Variants in CTDSPL observed in about 807,000 individuals in gnomAD.
CTDSPL encodes CTD small phosphatase-like protein.
Under a neutral mutation model 30.5 loss-of-function variants are expected in CTDSPL, and 8 were observed. The ratio of observed to expected loss-of-function variants is 0.26; its 90% CI spans 0.15 to 0.47. The LOEUF (loss-of-function observed/expected upper bound fraction) is 0.47, where lower values mean the gene tolerates loss of function less well. Among genes scored for constraint, CTDSPL ranks in the 20% least tolerant of loss-of-function variants. The pLI is 0.99. For synonymous variants in CTDSPL, 110 were observed against 137.9 expected, an observed-to-expected ratio of 0.80 and a Z score of 1.42; for missense variants, 248 against 366.1, an observed-to-expected ratio of 0.68 and a Z score of 2.63.
chr3:37,941,858 G>A (rs1304316686), intron 1 of CTDSPL, among the ~76,000 whole-genome samples: 3 of 150,316 alleles, frequency 2.0e-5, no homozygotes, highest in African/African-American at 4.8e-5. Flanking sequence ...TCCTTGCATG[G>A]TCCTCCTCAA....
intron 1 of CTDSPL, among the ~76,000 whole-genome samples, chr3:37,946,348 G>C (rs777959840): frequency 6.6e-6 from 1 of 152,200 alleles, no homozygotes; most frequent in Non-Finnish European, 1.5e-5. Context: ...CCTGGATCTC[G>C]TGAAGATGGG....
At position 37,983,422 on chromosome 3, in the gene CTDSPL, G is replaced by A. The variant is rs1196112335; in HGVS notation, c.*2555G>A. On this transcript the variant is annotated 3_prime_UTR_variant, in exon 8 of 8. Transcript: ENST00000273179. ...GTTTTTTAAGGTAAATACGGGTATT[G>A]TTTTTAATTATTACCATGTATTAAA... 3 of 152,536 alleles carry A rather than the reference G, an allele frequency of 2.0e-5. No individual in the cohort carries two copies. The highest frequency in any genetic ancestry group is 2.9e-5 in the Non-Finnish European group (2 of 68,006). The allele number at this position is 152,536 out of a possible 1,614,324, so 9.4% of individuals were successfully genotyped here. A position where few individuals can be genotyped will look rare whatever the true frequency, so the allele number is the denominator to read the frequency against.
intron 1 of CTDSPL, among the ~76,000 whole-genome samples, chr3:37,927,228 G>T (rs1374723552): frequency 6.6e-6 from 1 of 152,098 alleles, no homozygotes; most frequent in Non-Finnish European, 1.5e-5. Flanking sequence ...AAGACATACA[G>T]GTGACCAACA....
At chr3:37,959,933 G>A (rs1432694402) in intron 3 of CTDSPL, among the ~76,000 whole-genome samples, 1 of 152,198 alleles carries the variant, frequency 6.6e-6, no homozygotes, top group East Asian at 1.9e-4. Context: ...GCCAGGCGCA[G>A]TGGCTCACAC....
chr3:37,889,308 T>C (rs1373009487), intron 1 of CTDSPL, among the ~76,000 whole-genome samples: 2 of 152,216 alleles, frequency 1.3e-5, no homozygotes, highest in African/African-American at 4.8e-5. Context: ...TATCAAACTG[T>C]TTGAAATTTT....
At chr3:37,971,877 G>T (rs1414392002) in intron 6 of CTDSPL, among the ~76,000 whole-genome samples, 2 of 152,218 alleles carry the variant, frequency 1.3e-5, no homozygotes, top group African/African-American at 2.4e-5. Context: ...TGCTTTCACA[G>T]ATTTGAGGGA....
rs575879452 is a variant in CTDSPL, at chr3:37,907,672, G to GT, written c.80-39383dup. 2.6e-5 allele frequency among the ~76,000 whole-genome samples: 4 copies of GT among 152,266 alleles called. No individual in the cohort carries two copies. The South Asian group carries it at 8.3e-4, about 32-fold the overall frequency. On this transcript the variant is annotated intron_variant, in intron 1 of 7. Transcript: ENST00000273179. ...TGTACGTGTATCAGTGTGGGGGAAT[G>GT]TTAAGAACGTAGAGCTTAGTGGAAA...
In CTDSPL at chr3:37,929,497, C is replaced by T. The variant is rs117793778; in HGVS notation, c.80-17560C>T. Among the ~76,000 whole-genome samples the T allele has an allele frequency of 1.1e-3, 160 of 152,288 alleles. 1 individual carries two copies. In the East Asian group the frequency reaches 0.028, roughly 27 times the overall value. ...TAGTTTTCAGTGTACACATTTTTCA[C>T]CCCCTTAGTTAAGTTTATTCCTAAG... On this transcript the variant is annotated intron_variant, in intron 1 of 7. Transcript: ENST00000273179.
At position 37,943,815 on chromosome 3, in the gene CTDSPL, G is replaced by A. The variant is rs748666196; in HGVS notation, c.80-3242G>A. 1.1e-4 allele frequency among the ~76,000 whole-genome samples: 17 copies of A among 150,276 alleles called. 1 individual carries two copies. The highest frequency in any genetic ancestry group is 2.7e-4 in the African/African-American group (11 of 41,274). ...TTTTGTGTGTACAAGGAGGATGAGC[G>A]GTGGAGCTGGATGCCAGATGAGAAA... On this transcript the variant is annotated intron_variant, in intron 1 of 7. Coordinates refer to ENST00000273179, the MANE Select transcript of CTDSPL (RefSeq NM_001008392.2).
At chr3:37,892,971 T>C (rs187368770) in intron 1 of CTDSPL, among the ~76,000 whole-genome samples, 9 of 152,338 alleles carry the variant, frequency 5.9e-5, no homozygotes, top group Admixed American at 2.0e-4. Flanking sequence ...GGATGAAGTT[T>C]AAGGCCCCCA....
intron 1 of CTDSPL, among the ~76,000 whole-genome samples, chr3:37,923,165 G>A (rs557800652): frequency 2.6e-5 from 4 of 152,202 alleles, no homozygotes; most frequent in South Asian, 2.1e-4. Flanking sequence ...GGACAGTGGC[G>A]TGGGACAGGA....
chr3:37,983,997 C>T lies in CTDSPL; in HGVS notation c.*3130C>T, dbSNP rs553314174. On this transcript the variant is annotated 3_prime_UTR_variant, in exon 8 of 8. Coordinates refer to ENST00000273179, the MANE Select transcript of CTDSPL (RefSeq NM_001008392.2). ...AACCTGTAAGTCTGTAACCTGGCAACATTTTACAACCCTGTATTTTTAAAG... is the reference window on the plus strand; with the variant it reads ...AACCTGTAAGTCTGTAACCTGGCAATATTTTACAACCCTGTATTTTTAAAG... 1.7e-4 allele frequency: 41 copies of T among 238,740 alleles called. No homozygotes were observed. The highest frequency in any genetic ancestry group is 8.4e-4 in the African/African-American group (38 of 45,098). 14.8% of individuals were successfully genotyped at this position (238,740 alleles called of 1,614,324 possible).
At chr3:37,969,385 C>CAAGGCCCTGGCG (rs1699337695) in intron 5 of CTDSPL, 3 of 523,756 alleles carry the variant, frequency 5.7e-6, no homozygotes, top group Middle Eastern at 6.4e-4. Context: ...GCAGGAGGAC[C>CAAGGCCCTGGCG]AAGGCCCTGG....
intron 1 of CTDSPL, among the ~76,000 whole-genome samples, chr3:37,869,475 C>A (rs1209104220): frequency 1.3e-5 from 2 of 152,010 alleles, no homozygotes; most frequent in Non-Finnish European, 2.9e-5. Flanking sequence ...TATCCTATGA[C>A]CTTGCTGAGC....
chr3:37,910,838 A>G (rs906466501), intron 1 of CTDSPL, among the ~76,000 whole-genome samples: 1 of 152,114 alleles, frequency 6.6e-6, no homozygotes, highest in African/African-American at 2.4e-5. Context: ...GGGGTGATGG[A>G]GAGAGGTGTG....
intron 1 of CTDSPL, among the ~76,000 whole-genome samples, chr3:37,887,201 T>C (rs768548913): frequency 6.6e-6 from 1 of 152,180 alleles, no homozygotes; most frequent in Admixed American, 6.5e-5. Context: ...TGTGACACAA[T>C]ATTGAGCATA....
chr3:37,904,098 G>T (rs1698484660), intron 1 of CTDSPL, among the ~76,000 whole-genome samples: 1 of 152,230 alleles, frequency 6.6e-6, no homozygotes, highest in African/African-American at 2.4e-5. Context: ...GTAACATGAA[G>T]AATTCTATAG....
chr3:37,912,034 C>G (rs889959855), intron 1 of CTDSPL, among the ~76,000 whole-genome samples: 1 of 152,230 alleles, frequency 6.6e-6, no homozygotes, highest in African/African-American at 2.4e-5. Flanking sequence ...TGAACTCCAG[C>G]CTGGTCCTGA....
intron 1 of CTDSPL, among the ~76,000 whole-genome samples, chr3:37,919,948 G>A (rs1293626611): frequency 6.6e-6 from 1 of 152,100 alleles, no homozygotes; most frequent in African/African-American, 2.4e-5. Context: ...GGAAGCCCTG[G>A]GGATGTTTTC....
Sources: allele counts gnomAD v4.1 joint callset (sites outside exome capture counted in the v4.1 genomes callset), GRCh38; gene constraint gnomAD v4.1.1; transcripts MANE v1.5; gene names NCBI Gene and HGNC (gene_info 2026-07-23, HGNC 2026-07-21).